The following DSCAML1 variants were observed in gnomAD, a reference collection of about 807,000 sequenced individuals.
The protein encoded by DSCAML1 is cell adhesion molecule DSCAML1.
Under a neutral mutation model 200.5 loss-of-function variants are expected in DSCAML1, and 38 were observed. The observed-to-expected ratio is 0.19, with a 90% CI of 0.15 to 0.25. The LOEUF (loss-of-function observed/expected upper bound fraction) is 0.25, where lower values mean the gene tolerates loss of function less well. Ranked by LOEUF, DSCAML1 falls within the 10% of genes least tolerant of loss-of-function variation. The pLI is 1.00. For missense variants in DSCAML1, 2,223 were observed against 2,858.8 expected (o/e 0.78, Z 5.07); for synonymous variants, 1,215 against 1,165.0 (o/e 1.04, Z -0.87).
intron 21 of DSCAML1, among the ~76,000 whole-genome samples, chr11:117,442,725 G>A (rs1306382338): frequency 2.0e-5 from 3 of 152,226 alleles, no homozygotes; most frequent in African/African-American, 7.2e-5. Flanking sequence ...AGCTGTTCTG[G>A]AAGGGTGATA....
At chr11:117,720,920 G>C (rs1202228130) in intron 3 of DSCAML1, among the ~76,000 whole-genome samples, 5 of 152,220 alleles carry the variant, frequency 3.3e-5, no homozygotes, top group Non-Finnish European at 7.3e-5. Flanking sequence ...ATGAGGGACA[G>C]GCACAGACTT....
At chr11:117,594,960 C>T (rs2051332754) in intron 3 of DSCAML1, among the ~76,000 whole-genome samples, 1 of 152,086 alleles carries the variant, frequency 6.6e-6, no homozygotes, top group African/African-American at 2.4e-5. Context: ...CTCAATAGTT[C>T]ACCATTGCCG....
chr11:117,672,176 A>G (rs568697646), intron 3 of DSCAML1, among the ~76,000 whole-genome samples: 1 of 151,540 alleles, frequency 6.6e-6, no homozygotes, highest in African/African-American at 2.4e-5. Flanking sequence ...GAGATGAGGA[A>G]ACCAGAGCTC....
intron 3 of DSCAML1, among the ~76,000 whole-genome samples, chr11:117,666,022 G>C (rs781591222): frequency 3.3e-5 from 5 of 152,202 alleles, no homozygotes; most frequent in African/African-American, 1.2e-4. Flanking sequence ...TGGGCAGTTG[G>C]TCAGTGGCTG....
At chr11:117,535,474 A>G (rs2050151657) in intron 3 of DSCAML1, among the ~76,000 whole-genome samples, 1 of 152,000 alleles carries the variant, frequency 6.6e-6, no homozygotes, top group South Asian at 2.1e-4. Context: ...CAGACCCCGC[A>G]ACTAGGCAGA....
chr11:117,801,036 T>C (rs575386703), upstream of DSCAML1: 30 of 152,348 alleles, frequency 2.0e-4, 1 homozygote, highest in Admixed American at 2.0e-4. Context: ...TGTGAAAAAC[T>C]TAACTTTTGG....
chr11:117,602,027 A>T (rs983823603), intron 3 of DSCAML1, among the ~76,000 whole-genome samples: 4 of 152,264 alleles, frequency 2.6e-5, no homozygotes, highest in African/African-American at 9.6e-5. Context: ...TGAGGCCATG[A>T]ACCTGCAAAG....
intron 3 of DSCAML1, among the ~76,000 whole-genome samples, chr11:117,752,211 T>C (rs2054617207): frequency 6.6e-6 from 1 of 152,156 alleles, no homozygotes; most frequent in East Asian, 1.9e-4. Flanking sequence ...GGAACTGAAC[T>C]CAATGCCTGT....
At chr11:117,707,367 C>T (rs1490937445) in intron 3 of DSCAML1, among the ~76,000 whole-genome samples, 4 of 152,274 alleles carry the variant, frequency 2.6e-5, no homozygotes, top group South Asian at 2.1e-4. Flanking sequence ...TGAATGGTCG[C>T]GAAGGTCCCT....
chr11:117,806,609 C>G (rs1395217274), intron 1 of DSCAML1, among the ~76,000 whole-genome samples: 1 of 152,250 alleles, frequency 6.6e-6, no homozygotes. Context: ...CCCTATAAGA[C>G]TGGTATGATT....
At chr11:117,556,738 G>T (rs758838303) in intron 3 of DSCAML1, among the ~76,000 whole-genome samples, 8 of 152,160 alleles carry the variant, frequency 5.3e-5, no homozygotes, top group Non-Finnish European at 1.0e-4. Context: ...CCATGTCCTT[G>T]GCCTCCCAGT....
chr11:117,776,298 A>T (rs2055128029), intron 3 of DSCAML1, among the ~76,000 whole-genome samples: 1 of 152,202 alleles, frequency 6.6e-6, no homozygotes, highest in Non-Finnish European at 1.5e-5. Context: ...AACTCATTCA[A>T]GAAGGGAAGA....
intron 3 of DSCAML1, among the ~76,000 whole-genome samples, chr11:117,773,569 G>A: frequency 6.9e-6 from 1 of 145,624 alleles, no homozygotes; most frequent in South Asian, 2.2e-4. Context: ...ACACAGCACA[G>A]CACACACACT....
At chr11:117,752,958 C>T (rs1418666233) in intron 3 of DSCAML1, among the ~76,000 whole-genome samples, 1 of 152,130 alleles carries the variant, frequency 6.6e-6, no homozygotes, top group African/African-American at 2.4e-5. Flanking sequence ...CATGGCTGTC[C>T]CAGGGGAGCT....
At position 117,437,916 on chromosome 11, in the gene DSCAML1, C is replaced by G; in HGVS notation, c.4411G>C (p.Glu1471Gln). The G allele has an allele frequency of 6.2e-7, 1 of 1,611,268 alleles. No homozygotes were observed. Among genetic ancestry groups the G allele is most frequent in the Non-Finnish European group, 8.5e-7 (1 of 1,179,526 alleles). ...VGSGRISEII[E>Q]AKTHGREPSF... is the part of the protein sequence containing the mutation. ...TCACCCCGCCCGTGGGTCTTGGCCTCGATGATCTCGCTGATGCGCCCAGAG... is the reference window on the plus strand; with the variant it reads ...TCACCCCGCCCGTGGGTCTTGGCCTGGATGATCTCGCTGATGCGCCCAGAG... Residue 1471 changes from glutamate to glutamine, a missense_variant, in exon 25 of 33, where the codon GAG becomes CAG. Around this residue, in one of 7 missense-constraint regions of DSCAML1, gnomAD observed 614 missense variants for 739.1 expected, o/e 0.83. Coordinates refer to ENST00000651296, the MANE Select transcript of DSCAML1 (RefSeq NM_020693.4). The surrounding 1 kb of genome is among the most constrained non-coding windows in gnomAD (Gnocchi z 5.3).
chr11:117,461,180 C>T (rs574824705), intron 18 of DSCAML1, among the ~76,000 whole-genome samples: 14 of 152,032 alleles, frequency 9.2e-5, no homozygotes, highest in African/African-American at 3.4e-4. Flanking sequence ...ACCAGAGATG[C>T]CACCCTAGGT....
chr11:117,450,035 C>T (rs534773847), intron 20 of DSCAML1, among the ~76,000 whole-genome samples: 6 of 152,328 alleles, frequency 3.9e-5, no homozygotes, highest in South Asian at 2.1e-4. Context: ...CCTCTCCTCT[C>T]GCCTGAGCCC....
In DSCAML1 at chr11:117,691,798, C is replaced by A. The variant is rs537971416; in HGVS notation, c.511+84993G>T. 2.3e-4 allele frequency among the ~76,000 whole-genome samples: 35 copies of A among 150,596 alleles called. 1 individual carries two copies. Among genetic ancestry groups the A allele is most frequent in the Admixed American group, 1.3e-3 (20 of 15,116 alleles). ...CCTCTCTTCTGCTCTACCTTCTCTC[C>A]CCAGGGGGGTTTTGCTCACAACTTT... On this transcript the variant is annotated intron_variant, in intron 3 of 32. Transcript: ENST00000651296.
At chr11:117,571,439 C>A (rs568008801) in intron 3 of DSCAML1, among the ~76,000 whole-genome samples, 1 of 152,284 alleles carries the variant, frequency 6.6e-6, no homozygotes. Context: ...AGGAGGAGCC[C>A]ACTCTCTGGA....
Sources: allele counts gnomAD v4.1 joint callset (sites outside exome capture counted in the v4.1 genomes callset), GRCh38; gene constraint gnomAD v4.1.1; regional missense constraint gnomAD v4.1.1; non-coding constraint Gnocchi (gnomAD v3.1); transcripts MANE v1.5; gene names NCBI Gene and HGNC (gene_info 2026-07-23, HGNC 2026-07-21).